RASAL2: variants seen among roughly 807,000 people sequenced by gnomAD.
The protein encoded by RASAL2 is RAS protein activator like 2.
In RASAL2, 58 loss-of-function variants were observed where a neutral mutation model predicts 128.9. That is an observed-to-expected ratio of 0.45 (90% CI 0.36 to 0.56). The LOEUF is 0.56. Among genes scored for constraint, RASAL2 ranks in the 20% least tolerant of loss-of-function variants. The pLI is 0.00. For synonymous variants in RASAL2, 561 were observed against 580.8 expected (o/e 0.97, Z 0.49); for missense variants, 1,360 against 1,601.6 (o/e 0.85, Z 2.57).
intron 1 of RASAL2, among the ~76,000 whole-genome samples, chr1:178,202,356 G>A (rs1239293306): frequency 6.6e-6 from 1 of 152,168 alleles, no homozygotes; most frequent in Admixed American, 6.5e-5. Flanking sequence ...AGTTCCCTAT[G>A]ATCAGCTGAC....
At chr1:178,365,361 A>G (rs1172682077) in intron 3 of RASAL2, among the ~76,000 whole-genome samples, 2 of 152,212 alleles carry the variant, frequency 1.3e-5, no homozygotes, top group Non-Finnish European at 2.9e-5. Flanking sequence ...TCTTTGAGGA[A>G]AAGTATTGTA....
chr1:178,250,657 G>A (rs913166859), intron 1 of RASAL2, among the ~76,000 whole-genome samples: 1 of 152,172 alleles, frequency 6.6e-6, no homozygotes, highest in African/African-American at 2.4e-5. Context: ...CGTTGGTCTC[G>A]CTGGGAGCTG....
chr1:178,111,311 G>A (rs1347159707), intron 1 of RASAL2, among the ~76,000 whole-genome samples: 1 of 152,166 alleles, frequency 6.6e-6, no homozygotes, highest in East Asian at 1.9e-4. Flanking sequence ...GTTTTGCCAT[G>A]TTGCCCAGGC....
intron 3 of RASAL2, among the ~76,000 whole-genome samples, chr1:178,333,837 G>GT (rs1669459686): frequency 1.3e-5 from 2 of 152,138 alleles, no homozygotes; most frequent in African/African-American, 4.8e-5. Context: ...GGATTTTTCA[G>GT]TTTTTCATTA....
chr1:178,395,542 C>CA (rs1673160163), intron 4 of RASAL2, among the ~76,000 whole-genome samples: 1 of 152,086 alleles, frequency 6.6e-6, no homozygotes, highest in Non-Finnish European at 1.5e-5. Flanking sequence ...CTAAGAATCT[C>CA]AGATTTCAGG....
chr1:178,386,475 A>G (rs1257448080), intron 3 of RASAL2, among the ~76,000 whole-genome samples: 1 of 152,182 alleles, frequency 6.6e-6, no homozygotes, highest in African/African-American at 2.4e-5. Context: ...TGTTCAATAC[A>G]TCATTCTATA....
intron 4 of RASAL2, among the ~76,000 whole-genome samples, chr1:178,397,491 A>G (rs1016338347): frequency 6.6e-6 from 1 of 152,226 alleles, no homozygotes; most frequent in African/African-American, 2.4e-5. Context: ...ATGGGAAGTG[A>G]CTGCTAATGG....
At position 178,447,673 on chromosome 1, in the gene RASAL2, T is replaced by TAA. The variant is rs60358768; in HGVS notation, c.1627+2038_1627+2039dup. Among the ~76,000 whole-genome samples the TAA allele has an allele frequency of 1.7e-3, 96 of 56,034 alleles. 4 individuals are homozygous for TAA. The highest frequency in any genetic ancestry group is 5.5e-3 in the African/African-American group (79 of 14,448). The allele number at this position is 56,034 out of a possible 152,430, so 36.8% of individuals were successfully genotyped here. ...GAGACAAGAGCAAAACTCCTTCTCTTAAAAAAAAAAAAAAAAAAAAAAAAA... is the reference window on the plus strand; with the variant it reads ...GAGACAAGAGCAAAACTCCTTCTCTTAAAAAAAAAAAAAAAAAAAAAAAAAAA... On this transcript the variant is annotated intron_variant, in intron 9 of 17. Coordinates refer to ENST00000367649, the MANE Select transcript of RASAL2 (RefSeq NM_170692.4).
intron 1 of RASAL2, among the ~76,000 whole-genome samples, chr1:178,269,314 C>A (rs1260138807): frequency 2.0e-5 from 3 of 152,190 alleles, no homozygotes; most frequent in Admixed American, 2.0e-4. Context: ...TTAACTCACA[C>A]CGTCTATAAT....
At position 178,430,378 on chromosome 1, in the gene RASAL2, G is replaced by T. The variant is rs1032637787; in HGVS notation, c.675-9044G>T. On this transcript the variant is annotated intron_variant, in intron 5 of 17. Transcript: ENST00000367649. ...CAATTGAAGTATCTAATTGCATCAT[G>T]ATAACATTTTAAATTCATTAAAATG... 1.1e-3 allele frequency among the ~76,000 whole-genome samples: 170 copies of T among 151,994 alleles called. 2 individuals are homozygous for T. The highest frequency in any genetic ancestry group is 2.4e-4 in the Non-Finnish European group (16 of 67,884).
chr1:178,229,713 A>G (rs1283404649), intron 1 of RASAL2, among the ~76,000 whole-genome samples: 1 of 152,124 alleles, frequency 6.6e-6, no homozygotes, highest in Non-Finnish European at 1.5e-5. Flanking sequence ...CCTCAAGCCA[A>G]TAATACACAG....
At chr1:178,114,756 T>A (rs1033528589) in intron 1 of RASAL2, among the ~76,000 whole-genome samples, 1 of 152,170 alleles carries the variant, frequency 6.6e-6, no homozygotes, top group Non-Finnish European at 1.5e-5. Context: ...TCTCCTGACC[T>A]CGTGATCCGC....
chr1:178,153,122 T>C (rs1254519050), intron 1 of RASAL2, among the ~76,000 whole-genome samples: 2 of 152,194 alleles, frequency 1.3e-5, no homozygotes, highest in Admixed American at 1.3e-4. Context: ...CTTTTTGTAA[T>C]GTTTTGTCAA....
chr1:178,175,674 T>TG (rs1193669201), intron 1 of RASAL2, among the ~76,000 whole-genome samples: 1 of 151,854 alleles, frequency 6.6e-6, no homozygotes, highest in African/African-American at 2.4e-5. Flanking sequence ...GTAGGTTTTT[T>TG]TTTTTGTCTC....
intron 3 of RASAL2, among the ~76,000 whole-genome samples, chr1:178,380,865 T>C (rs1672245641): frequency 6.6e-6 from 1 of 152,152 alleles, no homozygotes; most frequent in African/African-American, 2.4e-5. Flanking sequence ...TAGTCAGGAA[T>C]ATAGTTTAGT....
chr1:178,470,763 C>T, intron 17 of RASAL2: 1 of 1,350,762 alleles, frequency 7.4e-7, no homozygotes, highest in Middle Eastern at 2.1e-4. Flanking sequence ...TGAGCAGTTC[C>T]CAGCCCTGGC....
chr1:178,130,839 G>C (rs1038240790), intron 1 of RASAL2, among the ~76,000 whole-genome samples: 2 of 152,136 alleles, frequency 1.3e-5, no homozygotes, highest in South Asian at 4.1e-4. Flanking sequence ...CGGATCACGA[G>C]GTCAGGAGAT....
chr1:178,246,480 G>A (rs1664771431), intron 1 of RASAL2, among the ~76,000 whole-genome samples: 1 of 152,088 alleles, frequency 6.6e-6, no homozygotes, highest in African/African-American at 2.4e-5. Context: ...GAGACGATGG[G>A]ATTTTCTAAA....
chr1:178,369,515 A>G (rs1420698832), intron 3 of RASAL2, among the ~76,000 whole-genome samples: 1 of 151,430 alleles, frequency 6.6e-6, no homozygotes, highest in African/African-American at 2.4e-5. Context: ...GAGCCACAGC[A>G]CCTGGTCTGG....
Sources: allele counts gnomAD v4.1 joint callset (sites outside exome capture counted in the v4.1 genomes callset), GRCh38; gene constraint gnomAD v4.1.1; transcripts MANE v1.5; gene names NCBI Gene and HGNC (gene_info 2026-07-23, HGNC 2026-07-21).